The following DIAPH3 variants were observed in gnomAD, a reference collection of about 807,000 sequenced individuals.
DIAPH3 encodes the protein protein diaphanous homolog 3.
In DIAPH3, 117 loss-of-function variants were observed where a neutral mutation model predicts 144.3. That is an observed-to-expected ratio of 0.81 (90% CI 0.70 to 0.95). The LOEUF (loss-of-function observed/expected upper bound fraction) is 0.95. Among genes scored for constraint, DIAPH3 ranks in the 40% least tolerant of loss-of-function variants. The pLI, the probability that DIAPH3 is intolerant of heterozygous loss-of-function variation, is 0.00. For missense variants in DIAPH3, 1,421 were observed against 1,412.7 expected (o/e 1.01, Z -0.09); for synonymous variants, 519 against 488.9 (o/e 1.06, Z -0.81).
At position 60,090,908 on chromosome 13, in the gene DIAPH3, T is replaced by C. The variant is rs955186991; in HGVS notation, c.495+2720A>G. On this transcript the variant is annotated intron_variant, in intron 4 of 27. Transcript: ENST00000400324. ...TGATAATTTAATTACCTAATTCTGG[T>C]AAACAAATTTCAACCTTAGTCCAAA... Among the ~76,000 whole-genome samples, 13 of 152,332 alleles carry C rather than the reference T, an allele frequency of 8.5e-5. No homozygotes were observed. The South Asian group carries it at 1.4e-3, about 17-fold the overall frequency.
chr13:60,064,722 T>C (rs965013358), intron 4 of DIAPH3, among the ~76,000 whole-genome samples: 15 of 152,174 alleles, frequency 9.9e-5, no homozygotes, highest in Admixed American at 3.9e-4. Context: ...CACTTTTAAT[T>C]CCCTTTAGAA....
intron 20 of DIAPH3, among the ~76,000 whole-genome samples, chr13:59,895,948 G>A (rs573485027): frequency 7.9e-5 from 12 of 152,272 alleles, no homozygotes; most frequent in Non-Finnish European, 1.2e-4. Flanking sequence ...AAACAAAAAC[G>A]TAAGGTAAAC....
rs2138563651 is a variant in DIAPH3 at position 59,665,790 on chromosome 13, G to A, written c.*794C>T. 1 of 152,664 alleles carries A rather than the reference G, an allele frequency of 6.6e-6. No individual in the cohort carries two copies. The highest frequency in any genetic ancestry group is 2.1e-4 in the South Asian group (1 of 4,824). 9.5% of individuals were successfully genotyped at this position (152,664 alleles called of 1,614,324 possible). On this transcript the variant is annotated 3_prime_UTR_variant, in exon 28 of 28. Coordinates refer to ENST00000400324, the MANE Select transcript of DIAPH3 (RefSeq NM_001042517.2). ...TAAAATAAAAAAAGTTGTTACTTTGGAAATTTCAAAATGGCAATTTTATCT... is the reference window on the plus strand; with the variant it reads ...TAAAATAAAAAAAGTTGTTACTTTGAAAATTTCAAAATGGCAATTTTATCT...
intron 24 of DIAPH3, among the ~76,000 whole-genome samples, chr13:59,815,919 A>C (rs1432463196): frequency 6.6e-6 from 1 of 152,006 alleles, no homozygotes; most frequent in Non-Finnish European, 1.5e-5. Context: ...TTATCTTGCT[A>C]TACTGACTAG....
At chr13:59,708,303 T>C (rs2034542096) in intron 27 of DIAPH3, among the ~76,000 whole-genome samples, 1 of 152,120 alleles carries the variant, frequency 6.6e-6, no homozygotes, top group Non-Finnish European at 1.5e-5. Context: ...AGCCTCATCC[T>C]CTCTTTCCTT....
At chr13:59,898,153 A>AAG (rs1555329081) in intron 20 of DIAPH3, among the ~76,000 whole-genome samples, 5 of 149,790 alleles carry the variant, frequency 3.3e-5, no homozygotes, top group African/African-American at 1.2e-4. Flanking sequence ...AAAAAAAAAA[A>AAG]AAAGAAAAAG....
At chr13:59,753,412 A>G (rs1173815500) in intron 27 of DIAPH3, among the ~76,000 whole-genome samples, 1 of 152,186 alleles carries the variant, frequency 6.6e-6, no homozygotes, top group African/African-American at 2.4e-5. Flanking sequence ...CAAATCTGAA[A>G]AATATGTTTT....
chr13:59,710,217 C>T (rs2034657874), intron 27 of DIAPH3, among the ~76,000 whole-genome samples: 1 of 146,076 alleles, frequency 6.8e-6, no homozygotes, highest in Admixed American at 6.9e-5. Flanking sequence ...GCACATTGTG[C>T]ACATGTACCC....
intron 27 of DIAPH3, among the ~76,000 whole-genome samples, chr13:59,680,286 T>A (rs916334116): frequency 3.3e-5 from 5 of 151,588 alleles, no homozygotes; most frequent in Admixed American, 3.3e-4. Context: ...TGCAAGCCTA[T>A]GACGTGTTGT....
At chr13:59,697,391 C>T (rs1159640332) in intron 27 of DIAPH3, among the ~76,000 whole-genome samples, 4 of 123,660 alleles carry the variant, frequency 3.2e-5, no homozygotes, top group Non-Finnish European at 4.8e-5. Flanking sequence ...ACTCGGGAGG[C>T]GGAGCTTGCA....
At chr13:60,060,052 C>T (rs2056706360) in intron 4 of DIAPH3, among the ~76,000 whole-genome samples, 1 of 152,042 alleles carries the variant, frequency 6.6e-6, no homozygotes, top group Admixed American at 6.6e-5. Context: ...TACATTTACA[C>T]TTTAAGTCTG....
At chr13:59,896,162 G>C (rs563006641) in intron 20 of DIAPH3, among the ~76,000 whole-genome samples, 1 of 152,238 alleles carries the variant, frequency 6.6e-6, no homozygotes, top group Non-Finnish European at 1.5e-5. Context: ...AGGAGGTCTT[G>C]GTTAAGTAGT....
At position 59,737,115 on chromosome 13, in the gene DIAPH3, C is replaced by T. The variant is rs185023249; in HGVS notation, c.3319+37074G>A. On this transcript the variant is annotated intron_variant, in intron 27 of 27. Transcript: ENST00000400324. ...AGGCAAAGATTTCATGACGAAGGTGCCAAAAGCAACTGCAACAAAAACAAT... is the reference window on the plus strand; with the variant it reads ...AGGCAAAGATTTCATGACGAAGGTGTCAAAAGCAACTGCAACAAAAACAAT... Among the ~76,000 whole-genome samples the T allele has an allele frequency of 7.9e-5, 12 of 152,150 alleles. No homozygotes were observed. In the East Asian group the frequency reaches 1.4e-3, roughly 17 times the overall value.
At chr13:59,839,748 T>C (rs2042238695) in intron 22 of DIAPH3, among the ~76,000 whole-genome samples, 1 of 152,164 alleles carries the variant, frequency 6.6e-6, no homozygotes, top group Admixed American at 6.5e-5. Flanking sequence ...TACAAAATCA[T>C]CAGTCTATTC....
At chr13:60,039,948 T>G (rs1200840835) in intron 5 of DIAPH3, among the ~76,000 whole-genome samples, 1 of 152,002 alleles carries the variant, frequency 6.6e-6, no homozygotes, top group African/African-American at 2.4e-5. Flanking sequence ...CAAAAGTATC[T>G]TCTTGAGCCT....
intron 24 of DIAPH3, among the ~76,000 whole-genome samples, chr13:59,818,692 T>C (rs1037545349): frequency 1.3e-5 from 2 of 151,878 alleles, no homozygotes; most frequent in African/African-American, 4.8e-5. Flanking sequence ...TGTCATCCTG[T>C]TCTCCATGTT....
chr13:59,824,124 A>C (rs566446677), intron 24 of DIAPH3, among the ~76,000 whole-genome samples: 10 of 152,316 alleles, frequency 6.6e-5, no homozygotes, highest in Admixed American at 4.6e-4. Flanking sequence ...ACAGGTAGCT[A>C]TTTATTTATT....
chr13:59,753,379 T>C (rs563876860), intron 27 of DIAPH3, among the ~76,000 whole-genome samples: 1 of 152,326 alleles, frequency 6.6e-6, no homozygotes, highest in East Asian at 1.9e-4. Context: ...AAGATTTTCA[T>C]GACTCCAAAT....
intron 20 of DIAPH3, among the ~76,000 whole-genome samples, chr13:59,888,346 A>C (rs1170043696): frequency 6.6e-6 from 1 of 152,104 alleles, no homozygotes; most frequent in Non-Finnish European, 1.5e-5. Flanking sequence ...CACCCTGATC[A>C]TGGAAGTCCC....
Sources: gnomAD v4.1 joint callset for allele counts (sites outside exome capture counted in the v4.1 genomes callset) on GRCh38, gnomAD v4.1.1 for gene constraint, MANE v1.5 for transcripts, NCBI Gene and HGNC (gene_info 2026-07-23, HGNC 2026-07-21) for gene names.